CACNG5: variants seen among roughly 807,000 people sequenced by gnomAD.
CACNG5 encodes the protein calcium voltage-gated channel auxiliary subunit gamma 5.
Under a neutral mutation model 24.8 loss-of-function variants are expected in CACNG5, and 18 were observed. The ratio of observed to expected loss-of-function variants is 0.73; its 90% confidence interval spans 0.50 to 1.08. The LOEUF is 1.08. Among genes scored for constraint, CACNG5 ranks in the 50% least tolerant of loss-of-function variants. The pLI is 0.00. For synonymous variants in CACNG5, 157 were observed against 149.1 expected (o/e 1.05, Z -0.39); for missense variants, 349 against 367.9 (o/e 0.95, Z 0.42).
intron 4 of CACNG5, 24 bp from the exon 5 acceptor site, chr17:66,884,492 C>G: frequency 6.3e-7 from 1 of 1,585,948 alleles, no homozygotes. Flanking sequence ...GCTGAGCATC[C>G]CCTCTCCCCT....
chr17:66,885,029 C>A lies in CACNG5; in HGVS notation c.617C>A (p.Ala206Glu), dbSNP rs149774604. 3.7e-6 allele frequency: 6 copies of A among 1,614,150 alleles called. No individual in the cohort carries two copies. Among genetic ancestry groups the A allele is most frequent in the East Asian group, 2.2e-5 (1 of 44,868 alleles). ...TACCTGTTTATGAAGCGGTACACCG[C>A]GGAGGACATGTACAGGCCCCACCCT... ...SVYLFMKRYT[A>E]EDMYRPHPGF... Residue 206 changes from alanine (A) to glutamate (E), a missense_variant, in exon 6 of 6, where the codon GCG (alanine) becomes GAG (glutamate). By Grantham distance (107) the Ala-to-Glu change is moderately radical. Coordinates refer to ENST00000533854, the MANE Select transcript of CACNG5 (RefSeq NM_145811.3).
Position 66,857,389 on chromosome 17 carries a change from T to TCCAA in CACNG5, c.-103-19840_-103-19837dup, listed in dbSNP as rs1314620773. ...CTGGCTGGTCCGTACACCAGCACTG[T>TCCAA]CCAATAGGAATGTAATGCAAGCCAC... On this transcript the variant is annotated intron_variant, in intron 1 of 5. Coordinates refer to ENST00000533854, the MANE Select transcript of CACNG5 (RefSeq NM_145811.3). Among the ~76,000 whole-genome samples the TCCAA allele has an allele frequency of 5.3e-5, 8 of 152,276 alleles. No individual in the cohort carries two copies. The East Asian group carries it at 1.5e-3, about 29-fold the overall frequency.
At chr17:66,881,999 A>G (rs1162766639) in intron 4 of CACNG5, among the ~76,000 whole-genome samples, 1 of 152,106 alleles carries the variant, frequency 6.6e-6, no homozygotes, top group East Asian at 1.9e-4. Context: ...GAGCCAAGGG[A>G]TGACACGATT....
Position 66,893,904 on chromosome 17 carries a change from CTTG to C in CACNG5, c.*8669_*8671del, listed in dbSNP as rs1477130973. Among the ~76,000 whole-genome samples, 6 of 152,234 alleles carry C rather than the reference CTTG, an allele frequency of 3.9e-5. No homozygotes were observed. The South Asian group carries it at 1.2e-3, about 32-fold the overall frequency. The stretch of plus-strand genomic sequence containing the variant: ...TTTACTTAGATGCAAGAAGTGTCAC[CTTG>C]TTGTGTTAAATTAAGTCTGTCTGAG... On this transcript the variant is annotated 3_prime_UTR_variant, in exon 6 of 6. Coordinates refer to ENST00000533854, the MANE Select transcript of CACNG5 (RefSeq NM_145811.3).
intron 1 of CACNG5, among the ~76,000 whole-genome samples, chr17:66,868,400 C>T (rs769047960): frequency 6.6e-6 from 1 of 152,120 alleles, no homozygotes; most frequent in African/African-American, 2.4e-5. Context: ...GCAGAGAGAG[C>T]CTCACACTCC....
chr17:66,865,053 G>A (rs1976911345), intron 1 of CACNG5, among the ~76,000 whole-genome samples: 1 of 152,236 alleles, frequency 6.6e-6, no homozygotes, highest in East Asian at 1.9e-4. Flanking sequence ...GAGCCACCAT[G>A]CCTTGATCGT....
chr17:66,859,529 T>C (rs1045679029), intron 1 of CACNG5, among the ~76,000 whole-genome samples: 2 of 152,150 alleles, frequency 1.3e-5, no homozygotes, highest in African/African-American at 2.4e-5. Context: ...TATTTGGTTG[T>C]CTTGTGAGAA....
chr17:66,840,232 C>T (rs774512655), intron 1 of CACNG5, among the ~76,000 whole-genome samples: 1 of 152,214 alleles, frequency 6.6e-6, no homozygotes, highest in Non-Finnish European at 1.5e-5. Flanking sequence ...CAGCCACGGG[C>T]ATGTGCTCTG....
intron 1 of CACNG5, among the ~76,000 whole-genome samples, chr17:66,876,869 G>T (rs546870884): frequency 6.6e-6 from 1 of 152,150 alleles, no homozygotes; most frequent in African/African-American, 2.4e-5. Context: ...TCAATAGGTC[G>T]CATTTAATTG....
At chr17:66,841,546 T>C (rs1976568446) in intron 1 of CACNG5, among the ~76,000 whole-genome samples, 1 of 152,134 alleles carries the variant, frequency 6.6e-6, no homozygotes, top group African/African-American at 2.4e-5. Flanking sequence ...CAAAGGAGCA[T>C]CCTACCCAGC....
At chr17:66,881,900 G>A (rs190126264) in intron 4 of CACNG5, among the ~76,000 whole-genome samples, 23 of 152,286 alleles carry the variant, frequency 1.5e-4, no homozygotes, top group Non-Finnish European at 3.1e-4. Context: ...GCAGGTGCAA[G>A]GAAAAATGTA....
At chr17:66,867,828 A>G (rs182320892) in intron 1 of CACNG5, among the ~76,000 whole-genome samples, 75 of 152,278 alleles carry the variant, frequency 4.9e-4, no homozygotes, top group Admixed American at 1.5e-3. Flanking sequence ...ACATTGATCT[A>G]TGTGTCTGTT....
At chr17:66,847,421 G>A (rs909157404) in intron 1 of CACNG5, among the ~76,000 whole-genome samples, 4 of 152,176 alleles carry the variant, frequency 2.6e-5, no homozygotes, top group African/African-American at 7.2e-5. Context: ...GGTAGAAGGC[G>A]AAGGAGGAGC....
intron 1 of CACNG5, among the ~76,000 whole-genome samples, chr17:66,839,947 G>C (rs1372455202): frequency 6.6e-6 from 1 of 152,228 alleles, no homozygotes; most frequent in African/African-American, 2.4e-5. Flanking sequence ...TGGGGCATGA[G>C]TATGGGCAGC....
At chr17:66,864,498 A>G (rs1410340028) in intron 1 of CACNG5, among the ~76,000 whole-genome samples, 3 of 152,176 alleles carry the variant, frequency 2.0e-5, no homozygotes, top group Admixed American at 6.5e-5. Flanking sequence ...CCTCTAAACT[A>G]TTGGTTTCCT....
chr17:66,840,468 A>G (rs138305736), intron 1 of CACNG5, among the ~76,000 whole-genome samples: 24 of 152,228 alleles, frequency 1.6e-4, no homozygotes, highest in African/African-American at 5.8e-4. Flanking sequence ...CCCAAAGTTA[A>G]GGATCATGGT....
intron 1 of CACNG5, among the ~76,000 whole-genome samples, chr17:66,862,269 G>A (rs1976871893): frequency 6.6e-6 from 1 of 152,130 alleles, no homozygotes; most frequent in African/African-American, 2.4e-5. Context: ...GAGAAAGATG[G>A]TCTCTATCTC....
chr17:66,873,354 T>C (rs1245332647), intron 1 of CACNG5, among the ~76,000 whole-genome samples: 1 of 152,218 alleles, frequency 6.6e-6, no homozygotes, highest in African/African-American at 2.4e-5. Flanking sequence ...ATGAAACTTT[T>C]TGGTTTTCCT....
At position 66,892,008 on chromosome 17, in the gene CACNG5, G is replaced by A. The variant is rs957095630; in HGVS notation, c.*6768G>A. Reference sequence around the variant, plus strand: ...CCAGATGGTTCTAATGTGAAACCAGGGTTGAGAACCACTGGCTTAGACCTA... The same window carrying A: ...CCAGATGGTTCTAATGTGAAACCAGAGTTGAGAACCACTGGCTTAGACCTA... On this transcript the variant is annotated 3_prime_UTR_variant, in exon 6 of 6. Transcript: ENST00000533854. Among the ~76,000 whole-genome samples, 10 of 152,320 alleles carry A rather than the reference G, an allele frequency of 6.6e-5. No homozygotes were observed. Among genetic ancestry groups the A allele is most frequent in the African/African-American group, 2.2e-4 (9 of 41,570 alleles).
Sources: allele counts gnomAD v4.1 joint callset (sites outside exome capture counted in the v4.1 genomes callset), GRCh38; gene constraint gnomAD v4.1.1; transcripts MANE v1.5; gene names NCBI Gene and HGNC (gene_info 2026-07-23, HGNC 2026-07-21).